The following PCDHA2 variants were observed in gnomAD, a reference collection of about 807,000 sequenced individuals.
PCDHA2 encodes the protein protocadherin alpha-2.
PCDHA2 carries 58 observed loss-of-function variants against 66.0 expected under a neutral mutation model. The ratio of observed to expected loss-of-function variants is 0.88; its 90% confidence interval spans 0.71 to 1.09. The LOEUF is 1.09. Ranked by LOEUF, PCDHA2 falls within the 50% of genes least tolerant of loss-of-function variation. The pLI is 0.00. For synonymous variants in PCDHA2, 634 were observed against 554.0 expected (o/e 1.14, Z -2.03); for missense variants, 1,267 against 1,242.3 (o/e 1.02, Z -0.30).
intron 1 of PCDHA2, among the ~76,000 whole-genome samples, chr5:140,899,954 T>C (rs1240765868): frequency 6.6e-6 from 1 of 151,586 alleles, no homozygotes; most frequent in Non-Finnish European, 1.5e-5. Context: ...ACCACAGGCA[T>C]GTGCTGCCAT....
intron 1 of PCDHA2, among the ~76,000 whole-genome samples, chr5:140,916,590 G>A (rs1022726274): frequency 2.0e-5 from 3 of 152,182 alleles, no homozygotes; most frequent in Non-Finnish European, 4.4e-5. Flanking sequence ...CCATGAGCTA[G>A]GGCCTGGAAT....
At chr5:140,938,870 A>C (rs560302282) in intron 1 of PCDHA2, among the ~76,000 whole-genome samples, 1 of 152,264 alleles carries the variant, frequency 6.6e-6, no homozygotes, top group South Asian at 2.1e-4. Flanking sequence ...TTAAAAGTTA[A>C]GAAGCAACAC....
At chr5:140,877,468 C>T in intron 1 of PCDHA2, 1 of 1,613,808 alleles carries the variant, frequency 6.2e-7, no homozygotes, top group Non-Finnish European at 8.5e-7. Context: ...GGCCACGGTG[C>T]TGGTGTCGCT....
intron 1 of PCDHA2, among the ~76,000 whole-genome samples, chr5:140,840,523 A>T (rs1554137815): frequency 6.6e-6 from 1 of 152,058 alleles, no homozygotes; most frequent in Non-Finnish European, 1.5e-5. Context: ...CAGAAGAAAG[A>T]TGAAGAACTA....
chr5:140,851,867 A>T, intron 1 of PCDHA2: 2 of 977,010 alleles, frequency 2.0e-6, no homozygotes, highest in South Asian at 9.5e-5. Context: ...CATACATAAC[A>T]CAAGGCAGAA....
intron 1 of PCDHA2, among the ~76,000 whole-genome samples, chr5:140,961,780 C>T (rs1192795559): frequency 6.6e-6 from 1 of 152,052 alleles, no homozygotes; most frequent in African/African-American, 2.4e-5. Flanking sequence ...AGCTTAATGG[C>T]ACTTTTTAAA....
At chr5:140,807,509 G>A in intron 1 of PCDHA2, 3 of 1,613,908 alleles carry the variant, frequency 1.9e-6, no homozygotes, top group Non-Finnish European at 2.5e-6. Context: ...CCACCTGGAG[G>A]TGATCGTAGA....
chr5:140,892,580 A>G (rs1462175198), intron 1 of PCDHA2, among the ~76,000 whole-genome samples: 1 of 152,198 alleles, frequency 6.6e-6, no homozygotes, highest in African/African-American at 2.4e-5. Context: ...AGTATATCTC[A>G]GTATTCATTC....
chr5:140,836,158 C>T, intron 1 of PCDHA2: 2 of 1,613,784 alleles, frequency 1.2e-6, no homozygotes, highest in Non-Finnish European at 1.7e-6. Context: ...CATGTGGTGG[C>T]GAAGGTACGT....
At chr5:140,842,541 T>A in intron 1 of PCDHA2, 1 of 1,609,746 alleles carries the variant, frequency 6.2e-7, no homozygotes. Context: ...TACTACTCGT[T>A]GGTGCTGGAC....
At chr5:140,821,582 C>G (rs2150109914) in intron 1 of PCDHA2, 2 of 622,440 alleles carry the variant, frequency 3.2e-6, no homozygotes, top group East Asian at 2.9e-5. Flanking sequence ...AGGTTTTTCT[C>G]CCTTCCCAGC....
chr5:140,939,701 T>C (rs782486336), intron 1 of PCDHA2, among the ~76,000 whole-genome samples: 2 of 152,210 alleles, frequency 1.3e-5, no homozygotes, highest in Non-Finnish European at 2.9e-5. Context: ...GACATTATCA[T>C]TTGTGAGATA....
intron 1 of PCDHA2, among the ~76,000 whole-genome samples, chr5:140,892,931 G>A (rs77081198): frequency 0.011 from 1,609 of 152,196 alleles, 17 homozygotes; most frequent in African/African-American, 0.028. Flanking sequence ...CCCAGCCTCT[G>A]ATAAGCACAA....
At position 140,795,492 on chromosome 5, in the gene PCDHA2, GT is replaced by G. The variant is rs1229361346; in HGVS notation, c.533del (p.Phe178SerfsTer3). 5 of 1,614,034 alleles carry G rather than the reference GT, an allele frequency of 3.1e-6. No individual in the cohort carries two copies. The highest frequency in any genetic ancestry group is 4.2e-6 in the Non-Finnish European group (5 of 1,180,046). The part of the protein sequence containing the change: ...LLSYKLSSSE[F>X]FFLDIQANDE... The stretch of plus-strand genomic sequence containing the variant: ...TCTCCTACAAGCTCAGCTCCAGTGA[GT>G]TTTTCTTCCTAGATATACAGGCAAA... On this transcript the variant is annotated frameshift_variant, in exon 1 of 4. Transcript: ENST00000526136. LOFTEE classifies it high-confidence loss of function.
At chr5:140,828,431 C>A in intron 1 of PCDHA2, 1 of 1,614,244 alleles carries the variant, frequency 6.2e-7, no homozygotes, top group Non-Finnish European at 8.5e-7. Context: ...GGACAGGCCG[C>A]TGCAGGTTTT....
At chr5:140,838,701 C>T (rs1368590558) in intron 1 of PCDHA2, among the ~76,000 whole-genome samples, 2 of 151,802 alleles carry the variant, frequency 1.3e-5, no homozygotes, top group South Asian at 2.1e-4. Flanking sequence ...TTCGGGAGGC[C>T]GAGGCAGGAG....
At chr5:140,990,272 C>T (rs568200508) in intron 3 of PCDHA2, among the ~76,000 whole-genome samples, 12 of 152,196 alleles carry the variant, frequency 7.9e-5, no homozygotes, top group African/African-American at 1.4e-4. Flanking sequence ...CAATGTACCC[C>T]GGGTCTTGAG....
intron 1 of PCDHA2, chr5:140,875,768 G>C (rs997656321): frequency 6.2e-7 from 1 of 1,614,144 alleles, no homozygotes; most frequent in African/African-American, 1.3e-5. Flanking sequence ...TGCGGGCGGA[G>C]CGCGGAGTGC....
Position 140,834,177 on chromosome 5 carries a change from C to G in PCDHA2, c.2388+36825C>G, listed in dbSNP as rs2150214084. ...TTTGTAATTCTTACTTACATGATGG[C>G]CACATGATGTCGCTCTTTACCGCAA... On this transcript the variant is annotated intron_variant, in intron 1 of 3. Transcript: ENST00000526136. 2.9e-5 allele frequency: 16 copies of G among 556,922 alleles called. No individual in the cohort carries two copies. The East Asian group carries it at 4.6e-4, about 16-fold the overall frequency. 34.5% of individuals were successfully genotyped at this position (556,922 alleles called of 1,614,324 possible). A position where few individuals can be genotyped will look rare whatever the true frequency, so the allele number is the denominator to read the frequency against.
Sources: allele counts gnomAD v4.1 joint callset (sites outside exome capture counted in the v4.1 genomes callset), GRCh38; gene constraint gnomAD v4.1.1; transcripts MANE v1.5; gene names NCBI Gene and HGNC (gene_info 2026-07-23, HGNC 2026-07-21).